Variants in TRPC6 observed in about 807,000 individuals in gnomAD.
TRPC6 encodes the protein short transient receptor potential channel 6.
A neutral mutation model predicts 90.7 loss-of-function variants in TRPC6; 55 were observed. The observed-to-expected ratio is 0.61, with a 90% CI of 0.49 to 0.76. The LOEUF is 0.76. Ranked by LOEUF, TRPC6 falls within the 30% of genes least tolerant of loss-of-function variation. The pLI is 0.00. For missense variants in TRPC6, 989 were observed against 1,122.7 expected (o/e 0.88, Z 1.70); for synonymous variants, 393 against 393.0 (o/e 1.00, Z 0.00).
At chr11:101,479,270 G>C (rs1300560920) in intron 5 of TRPC6, among the ~76,000 whole-genome samples, 1 of 152,244 alleles carries the variant, frequency 6.6e-6, no homozygotes, top group Non-Finnish European at 1.5e-5. Flanking sequence ...CTGTTGAAGA[G>C]TCAGCCCAGG....
In TRPC6 at chr11:101,476,337, C is replaced by G; in HGVS notation, c.1708G>C (p.Val570Leu). ...ANDTLKDLTK[V>L]TLGDNVKYYN... ...TATTTCACATTGTCTCCCAATGTTA[C>G]TTTCGTCAAGTCCTTCAAAGTATCA... is the stretch of plus-strand genomic sequence containing the variant. The change falls in exon 6 of 13, where the codon GTA becomes CTA. Residue 570 changes from valine (V) to leucine (L), a missense_variant. Physicochemically the swap from Val to Leu is conservative, Grantham distance 32. Around this residue, in one of 4 missense-constraint regions of TRPC6, gnomAD observed 486 missense variants for 591.9 expected, o/e 0.82. Coordinates refer to ENST00000344327, the MANE Select transcript of TRPC6 (RefSeq NM_004621.6). 4 of 1,614,098 alleles carry G rather than the reference C, an allele frequency of 2.5e-6. No homozygotes were observed. Among genetic ancestry groups the G allele is most frequent in the Non-Finnish European group, 3.4e-6 (4 of 1,179,988 alleles).
chr11:101,510,661 C>G (rs902403688), intron 1 of TRPC6, among the ~76,000 whole-genome samples: 2 of 152,108 alleles, frequency 1.3e-5, no homozygotes, highest in African/African-American at 4.8e-5. Flanking sequence ...TAGATTAGGT[C>G]ATGAAAACCA....
intron 3 of TRPC6, 111 bp from the exon 4 acceptor site, chr11:101,489,212 T>C: frequency 9.9e-7 from 1 of 1,006,298 alleles, no homozygotes; most frequent in Non-Finnish European, 1.5e-6. Context: ...ATTGTTAGAA[T>C]TAAAGAACAA....
chr11:101,562,950 C>T (rs1861746344), intron 1 of TRPC6, among the ~76,000 whole-genome samples: 1 of 152,192 alleles, frequency 6.6e-6, no homozygotes, highest in Non-Finnish European at 1.5e-5. Context: ...CGCTTAGCAT[C>T]ATGCCTGGCA....
At chr11:101,497,897 A>C (rs964681136) in intron 2 of TRPC6, among the ~76,000 whole-genome samples, 1 of 152,072 alleles carries the variant, frequency 6.6e-6, no homozygotes, top group Non-Finnish European at 1.5e-5. Flanking sequence ...ATGTTCCCAA[A>C]AGAGGGGATT....
intron 7 of TRPC6, 24 bp downstream of exon 7, chr11:101,473,485 A>T: frequency 6.2e-7 from 1 of 1,611,802 alleles, no homozygotes; most frequent in Non-Finnish European, 8.5e-7. Context: ...AATAACTATC[A>T]TCAAAATATC....
At position 101,500,072 on chromosome 11, in the gene TRPC6, T is replaced by G. The variant is rs1179874120; in HGVS notation, c.945+3952A>C. On this transcript the variant is annotated intron_variant, in intron 2 of 12. Coordinates refer to ENST00000344327, the MANE Select transcript of TRPC6 (RefSeq NM_004621.6). ...TATAAAATATGTGTGTGTGTATATA[T>G]ATATATACACACACACAATTTTTCT... Among the ~76,000 whole-genome samples the G allele has an allele frequency of 2.0e-5, 3 of 147,094 alleles. 1 individual carries two copies. Among genetic ancestry groups the G allele is most frequent in the Non-Finnish European group, 4.5e-5 (3 of 66,940 alleles).
chr11:101,556,980 T>G (rs180697072), intron 1 of TRPC6, among the ~76,000 whole-genome samples: 1 of 152,178 alleles, frequency 6.6e-6, no homozygotes, highest in African/African-American at 2.4e-5. Context: ...TAATTAGATA[T>G]AGGAAAAGCA....
At chr11:101,528,639 T>A (rs1245233455) in intron 1 of TRPC6, among the ~76,000 whole-genome samples, 1 of 152,158 alleles carries the variant, frequency 6.6e-6, no homozygotes, top group Non-Finnish European at 1.5e-5. Flanking sequence ...CTGCTTTCTC[T>A]TATAGAAATC....
chr11:101,521,292 G>A (rs1300355822), intron 1 of TRPC6, among the ~76,000 whole-genome samples: 1 of 152,302 alleles, frequency 6.6e-6, no homozygotes. Flanking sequence ...TCCAGCTGCG[G>A]CTGAAAGGGT....
intron 5 of TRPC6, among the ~76,000 whole-genome samples, chr11:101,482,740 A>G (rs944989070): frequency 1.3e-5 from 2 of 152,208 alleles, no homozygotes; most frequent in Middle Eastern, 3.2e-3. Flanking sequence ...TTCCTTGGAA[A>G]TGCAAAAGGC....
At chr11:101,491,441 A>C in intron 3 of TRPC6, 115 bp downstream of exon 3, 1 of 1,426,160 alleles carries the variant, frequency 7.0e-7, no homozygotes, top group Non-Finnish European at 9.5e-7. Context: ...CTCAAAAAAA[A>C]AAAAAGAGAA....
chr11:101,521,097 C>T (rs886265744), intron 1 of TRPC6, among the ~76,000 whole-genome samples: 1 of 152,122 alleles, frequency 6.6e-6, no homozygotes, highest in South Asian at 2.1e-4. Context: ...TAAAGAGGAG[C>T]CAAATGTTAA....
chr11:101,535,809 T>G (rs1274066644), intron 1 of TRPC6, among the ~76,000 whole-genome samples: 2 of 152,174 alleles, frequency 1.3e-5, no homozygotes, highest in Non-Finnish European at 2.9e-5. Flanking sequence ...GTAACCAGAT[T>G]AATGGCTATA....
At chr11:101,515,542 AAATG>A (rs1416361689) in intron 1 of TRPC6, among the ~76,000 whole-genome samples, 1 of 152,248 alleles carries the variant, frequency 6.6e-6, no homozygotes, top group Admixed American at 6.5e-5. Flanking sequence ...ATGCATCTAC[AAATG>A]AATAAAAAAG....
intron 1 of TRPC6, among the ~76,000 whole-genome samples, chr11:101,531,084 GCATACACACA>G (rs1555008307): frequency 6.6e-6 from 1 of 152,120 alleles, no homozygotes; most frequent in Non-Finnish European, 1.5e-5. Context: ...GTTGCTTAAT[GCATACACACA>G]CATACACACA....
intron 1 of TRPC6, among the ~76,000 whole-genome samples, chr11:101,539,419 C>T (rs1267799398): frequency 6.6e-6 from 1 of 152,206 alleles, no homozygotes; most frequent in Non-Finnish European, 1.5e-5. Context: ...AACCTGTTCT[C>T]AGTTTCTCAG....
intron 6 of TRPC6, among the ~76,000 whole-genome samples, chr11:101,474,781 C>T (rs908210454): frequency 1.2e-4 from 18 of 152,282 alleles, no homozygotes; most frequent in Admixed American, 6.5e-4. Context: ...ATCCAGGTTT[C>T]TACGAGGTGG....
chr11:101,460,641 G>A (rs1858983417), intron 10 of TRPC6, among the ~76,000 whole-genome samples: 1 of 152,086 alleles, frequency 6.6e-6, no homozygotes, highest in Non-Finnish European at 1.5e-5. Flanking sequence ...ATAAATGGGA[G>A]TTAGGTGGAA....
Sources: gnomAD v4.1 joint callset for allele counts (sites outside exome capture counted in the v4.1 genomes callset) on GRCh38, gnomAD v4.1.1 for gene constraint, gnomAD v4.1.1 regional missense constraint, MANE v1.5 for transcripts, NCBI Gene and HGNC (gene_info 2026-07-23, HGNC 2026-07-21) for gene names.